ABHD16A: variants seen among roughly 807,000 people sequenced by gnomAD.
ABHD16A encodes the protein abhydrolase domain containing 16A, phospholipase.
A neutral mutation model predicts 89.8 loss-of-function variants in ABHD16A; 47 were observed. The ratio of observed to expected loss-of-function variants is 0.52; its 90% CI spans 0.41 to 0.67. The LOEUF is 0.67. Among genes scored for constraint, ABHD16A ranks in the 30% least tolerant of loss-of-function variants. The pLI, the probability that ABHD16A is intolerant of heterozygous loss-of-function variation, is 0.00. For synonymous variants in ABHD16A, 251 were observed against 280.4 expected (o/e 0.90, Z 1.05); for missense variants, 580 against 734.6 (o/e 0.79, Z 2.43).
In ABHD16A at chr6:31,700,939, T is replaced by C. The variant is rs1213952783; in HGVS notation, c.343+3A>G. On this transcript the variant is annotated splice_donor_region_variant and intron_variant, in intron 4 of 19. Coordinates refer to ENST00000395952, the MANE Select transcript of ABHD16A (RefSeq NM_021160.3). ...ATTCAAACCAGGTTTCCTCTCCACC[T>C]ACCTCGGAGGCAGGCCACACCTGCC... 1 of 1,612,570 alleles carries C rather than the reference T, an allele frequency of 6.2e-7. No homozygotes were observed. Among genetic ancestry groups the C allele is most frequent in the Non-Finnish European group, 8.5e-7 (1 of 1,178,672 alleles).
chr6:31,702,614 C>T, intron 1 of ABHD16A: 3 of 1,484,424 alleles, frequency 2.0e-6, no homozygotes, highest in Non-Finnish European at 2.7e-6. Context: ...CAGCCTACCA[C>T]CACCCGCCAG....
intron 4 of ABHD16A, among the ~76,000 whole-genome samples, chr6:31,699,394 G>T (rs1345482327): frequency 7.5e-6 from 1 of 133,008 alleles, no homozygotes; most frequent in Non-Finnish European, 1.6e-5. Flanking sequence ...GGGGGACAGA[G>T]CGAGACTCCG....
rs369925550 is a variant in ABHD16A at position 31,700,146 on chromosome 6, G to C, written c.343+796C>G. Among the ~76,000 whole-genome samples, 59 of 148,214 alleles carry C rather than the reference G, an allele frequency of 4.0e-4. 1 individual carries two copies. The highest frequency in any genetic ancestry group is 1.4e-3 in the African/African-American group (56 of 40,350). The stretch of plus-strand genomic sequence containing the variant: ...GCATGGAACTTTTTTTTTTTTTTGA[G>C]ACGGAGTCTTGCTCTGTTGCCCAGG... On this transcript the variant is annotated intron_variant, in intron 4 of 19. Coordinates refer to ENST00000395952, the MANE Select transcript of ABHD16A (RefSeq NM_021160.3).
Position 31,686,974 on chromosome 6 carries a change from T to C in ABHD16A, c.*238A>G. Reference sequence around the variant, plus strand: ...TTAGCCTGATAGTAGAAAAAATACCTTTTTATTAATTATTAGGAATAATCC... The same window carrying C: ...TTAGCCTGATAGTAGAAAAAATACCCTTTTATTAATTATTAGGAATAATCC... On this transcript the variant is annotated 3_prime_UTR_variant, in exon 20 of 20. Transcript: ENST00000395952. This position sits in a 1 kb window ranked among gnomAD's most constrained non-coding sequence, Gnocchi z 4.3. The C allele has an allele frequency of 1.8e-6, 1 of 543,568 alleles. No homozygotes were observed. 33.7% of individuals were successfully genotyped at this position (543,568 alleles called of 1,614,324 possible). A position where few individuals can be genotyped will look rare whatever the true frequency, so the allele number is the denominator to read the frequency against.
intron 5 of ABHD16A, among the ~76,000 whole-genome samples, chr6:31,694,315 C>T (rs1454371644): frequency 3.3e-5 from 5 of 151,426 alleles, no homozygotes; most frequent in Non-Finnish European, 2.9e-5. Flanking sequence ...CCTTGGCTTC[C>T]GAAAGTGCTG....
At chr6:31,700,472 T>C (rs1449869858) in intron 4 of ABHD16A, among the ~76,000 whole-genome samples, 1 of 152,240 alleles carries the variant, frequency 6.6e-6, no homozygotes, top group African/African-American at 2.4e-5. Flanking sequence ...ACTGGAGTTG[T>C]TTCCAGCTTA....
At chr6:31,697,557 C>A (rs1804518032) in intron 4 of ABHD16A, among the ~76,000 whole-genome samples, 1 of 152,182 alleles carries the variant, frequency 6.6e-6, no homozygotes, top group South Asian at 2.1e-4. Context: ...TTCAACTGTA[C>A]TACTCAGCAT....
intron 9 of ABHD16A, chr6:31,691,373 G>A (rs2151230604): frequency 1.8e-6 from 1 of 560,600 alleles, no homozygotes; most frequent in African/African-American, 1.9e-5. Flanking sequence ...ATTAATATTA[G>A]TTTCTCGTCC....
In ABHD16A at chr6:31,693,527, C is replaced by A; in HGVS notation, c.430-95G>T. 3 of 1,187,204 alleles carry A rather than the reference C, an allele frequency of 2.5e-6. No homozygotes were observed. The highest frequency in any genetic ancestry group is 3.7e-6 in the Non-Finnish European group (3 of 815,078). 73.5% of individuals were successfully genotyped at this position (1,187,204 alleles called of 1,614,324 possible). A position where few individuals can be genotyped will look rare whatever the true frequency, so the allele number is the denominator to read the frequency against. On this transcript the variant is annotated intron_variant, in intron 5 of 19. Transcript: ENST00000395952. The surrounding 1 kb of genome is among the most constrained non-coding windows in gnomAD (Gnocchi z 5.0). ...CACCTTCGTTATCCAGGGGTCTGAT[C>A]CCCACACATCATGGGGAAACCAAGC...
chr6:31,689,161 C>T (rs1803603224), intron 12 of ABHD16A, 42 bp from the exon 13 acceptor site: 1 of 1,526,024 alleles, frequency 6.6e-7, no homozygotes, highest in Admixed American at 1.8e-5. Flanking sequence ...CTGAGAAAGG[C>T]TCCTTTCTCC....
Position 31,687,809 on chromosome 6 carries a change from T to C in ABHD16A, c.1447+15A>G. ...GCTGGGCCCCCGCCCCAAGCCTCAC[T>C]GGATCCCTTCTCACCTTCCTCCAGC... is the stretch of plus-strand genomic sequence containing the variant. On this transcript the variant is annotated intron_variant, in intron 17 of 19. Coordinates refer to ENST00000395952, the MANE Select transcript of ABHD16A (RefSeq NM_021160.3). The surrounding 1 kb of genome is among the most constrained non-coding windows in gnomAD (Gnocchi z 6.3). 3 of 1,612,980 alleles carry C rather than the reference T, an allele frequency of 1.9e-6. No individual in the cohort carries two copies. The highest frequency in any genetic ancestry group is 2.5e-6 in the Non-Finnish European group (3 of 1,180,002).
In ABHD16A at chr6:31,690,286, G is replaced by T; in HGVS notation, c.908-159C>A. 1 of 732,656 alleles carries T rather than the reference G, an allele frequency of 1.4e-6. No individual in the cohort carries two copies. The highest frequency in any genetic ancestry group is 2.2e-6 in the Non-Finnish European group (1 of 449,254). 45.4% of individuals were successfully genotyped at this position (732,656 alleles called of 1,614,324 possible). The stretch of plus-strand genomic sequence containing the variant: ...ACACCAGAGGTTCTGAGGCAGCACA[G>T]GGAGCAGCATGTGATTGTGTGGGGT... On this transcript the variant is annotated intron_variant, in intron 10 of 19. Coordinates refer to ENST00000395952, the MANE Select transcript of ABHD16A (RefSeq NM_021160.3). The surrounding 1 kb of genome is among the most constrained non-coding windows in gnomAD (Gnocchi z 4.1).
At position 31,701,294 on chromosome 6, in the gene ABHD16A, A is replaced by C. The variant is rs762080863; in HGVS notation, c.236T>G (p.Phe79Cys). 1 of 1,613,600 alleles carries C rather than the reference A, an allele frequency of 6.2e-7. No individual in the cohort carries two copies. Among genetic ancestry groups the C allele is most frequent in the Non-Finnish European group, 8.5e-7 (1 of 1,179,762 alleles). Residue 79 changes from phenylalanine (F) to cysteine (C), a missense_variant, in exon 3 of 20, where the codon TTC becomes TGC. By Grantham distance (205) the Phe-to-Cys change is radical. This residue lies in a region of ABHD16A where 165 missense variants were observed against 165.8 expected (regional missense o/e 1.00). Transcript: ENST00000395952. ...CTGACCTTTCCTGTACAAGTAGAAG[A>C]AGGCGAAGGGAGAGGAGTAATAAGA... ...SISYYSSPFA[F>C]FYLYRKGYLS...
chr6:31,692,998 G>A (rs1220043663), intron 7 of ABHD16A, 29 bp downstream of exon 7: 1 of 1,614,194 alleles, frequency 6.2e-7, no homozygotes, highest in Non-Finnish European at 8.5e-7. Flanking sequence ...CTCCACCCCA[G>A]TGGGCCTCTC....
At chr6:31,689,258 A>G in intron 12 of ABHD16A, 139 bp from the exon 13 acceptor site, 1 of 834,272 alleles carries the variant, frequency 1.2e-6, no homozygotes, top group Non-Finnish European at 1.9e-6. Flanking sequence ...AACCTACTTC[A>G]CTTGGTTAGG....
At chr6:31,692,740 TC>T in intron 7 of ABHD16A, 1 of 323,622 alleles carries the variant, frequency 3.1e-6, no homozygotes, top group Non-Finnish European at 5.9e-6. Context: ...GTGTGTGTCC[TC>T]CCCACCCCCA....
In ABHD16A at chr6:31,702,043, T is replaced by C. The variant is rs766877077; in HGVS notation, c.189+31A>G. 1.9e-6 allele frequency: 3 copies of C among 1,612,600 alleles called. No individual in the cohort carries two copies. The African/African-American group carries it at 4.0e-5, about 22-fold the overall frequency. ...CAAGAGGACAGGTGGGTCTGAAAGA[T>C]GCAGAGTCCCAGATGCCAGGGTAGA... On this transcript the variant is annotated intron_variant, in intron 2 of 19. Coordinates refer to ENST00000395952, the MANE Select transcript of ABHD16A (RefSeq NM_021160.3).
intron 1 of ABHD16A, chr6:31,702,757 C>G (rs1562125787): frequency 1.3e-6 from 2 of 1,514,372 alleles, no homozygotes; most frequent in Admixed American, 4.6e-5. Flanking sequence ...AAAACAGAGC[C>G]GGGGGAGGCA....
intron 5 of ABHD16A, among the ~76,000 whole-genome samples, chr6:31,694,098 A>G: frequency 6.8e-6 from 1 of 147,206 alleles, no homozygotes; most frequent in Non-Finnish European, 1.5e-5. Context: ...GCTGTTGCCC[A>G]GGCTGGAATG....
Sources: allele counts gnomAD v4.1 joint callset (sites outside exome capture counted in the v4.1 genomes callset), GRCh38; gene constraint gnomAD v4.1.1; regional missense constraint gnomAD v4.1.1; non-coding constraint Gnocchi (gnomAD v3.1); transcripts MANE v1.5; gene names NCBI Gene and HGNC (gene_info 2026-07-23, HGNC 2026-07-21).